The following SKAP1 variants were observed in gnomAD, a reference collection of about 807,000 sequenced individuals.
The protein encoded by SKAP1 is src kinase-associated phosphoprotein 1.
A neutral mutation model predicts 58.5 loss-of-function variants in SKAP1; 44 were observed. The observed-to-expected ratio is 0.75, with a 90% CI of 0.59 to 0.97. SKAP1 has a LOEUF of 0.97. Among genes scored for constraint, SKAP1 ranks in the 50% least tolerant of loss-of-function variants. SKAP1 has a pLI of 0.00. For synonymous variants in SKAP1, 127 were observed against 149.7 expected (o/e 0.85, Z 1.11); for missense variants, 390 against 435.2 (o/e 0.90, Z 0.92).
chr17:48,184,228 C>A (rs1309581836), intron 7 of SKAP1, among the ~76,000 whole-genome samples: 1 of 152,128 alleles, frequency 6.6e-6, no homozygotes, highest in Non-Finnish European at 1.5e-5. Flanking sequence ...TCACCAATAT[C>A]TTAGAAATCC....
chr17:48,416,454 G>A (rs2067732265), intron 1 of SKAP1, among the ~76,000 whole-genome samples: 1 of 152,190 alleles, frequency 6.6e-6, no homozygotes, highest in South Asian at 2.1e-4. Flanking sequence ...TGTACTGGTG[G>A]TGGTGGGCAG....
chr17:48,261,327 T>C (rs760587798), intron 4 of SKAP1, among the ~76,000 whole-genome samples: 3 of 152,200 alleles, frequency 2.0e-5, no homozygotes, highest in Non-Finnish European at 2.9e-5. Flanking sequence ...TCACTCTGAA[T>C]AGAGCCTTAT....
At chr17:48,430,252 G>T (rs933389558), upstream of SKAP1, 2 of 608,192 alleles carry the variant, frequency 3.3e-6, no homozygotes, top group African/African-American at 3.9e-5. Flanking sequence ...GCCCGGCCGC[G>T]GGGCGGGGCC....
chr17:48,390,545 C>T (rs954774194), intron 2 of SKAP1, among the ~76,000 whole-genome samples: 1 of 152,088 alleles, frequency 6.6e-6, no homozygotes, highest in African/African-American at 2.4e-5. Flanking sequence ...CAAGTGATAA[C>T]GATGGCTAAA....
At chr17:48,321,957 G>T (rs2066373734) in intron 4 of SKAP1, among the ~76,000 whole-genome samples, 1 of 152,142 alleles carries the variant, frequency 6.6e-6, no homozygotes. Flanking sequence ...ATCTTCTCCT[G>T]TTCCTACCTG....
intron 3 of SKAP1, among the ~76,000 whole-genome samples, chr17:48,361,803 C>A (rs1358149457): frequency 6.6e-6 from 1 of 152,126 alleles, no homozygotes; most frequent in African/African-American, 2.4e-5. Context: ...GATTCTTCTG[C>A]TAGTTGTTCT....
chr17:48,309,886 G>C (rs2066200771), intron 4 of SKAP1, among the ~76,000 whole-genome samples: 1 of 152,064 alleles, frequency 6.6e-6, no homozygotes, highest in Admixed American at 6.5e-5. Context: ...ATGTTGTCTT[G>C]GTATGTTGGC....
intron 3 of SKAP1, among the ~76,000 whole-genome samples, chr17:48,357,781 A>C (rs2066895414): frequency 6.6e-6 from 1 of 152,228 alleles, no homozygotes. Context: ...ATTATTTGAA[A>C]AGGTATCAAA....
intron 4 of SKAP1, among the ~76,000 whole-genome samples, chr17:48,273,969 G>A (rs2065665995): frequency 6.6e-6 from 1 of 152,146 alleles, no homozygotes; most frequent in South Asian, 2.1e-4. Context: ...ACCCAGGCTG[G>A]AGTGCAGTGG....
intron 4 of SKAP1, among the ~76,000 whole-genome samples, chr17:48,259,308 T>TA (rs1445856725): frequency 3.3e-5 from 5 of 152,262 alleles, no homozygotes; most frequent in Middle Eastern, 3.4e-3. Context: ...TATCTATTAT[T>TA]ATATTAGAAT....
intron 4 of SKAP1, among the ~76,000 whole-genome samples, chr17:48,290,507 C>G (rs1943145929): frequency 6.6e-6 from 1 of 152,194 alleles, no homozygotes; most frequent in Admixed American, 6.5e-5. Flanking sequence ...CTCTTTTATT[C>G]TTCCCGGATA....
At chr17:48,139,629 T>G (rs2063744638) in intron 11 of SKAP1, among the ~76,000 whole-genome samples, 1 of 152,222 alleles carries the variant, frequency 6.6e-6, no homozygotes, top group Non-Finnish European at 1.5e-5. Flanking sequence ...ATTGGTGATA[T>G]GTAAAATTCA....
At chr17:48,144,720 G>T (rs769297944) in intron 11 of SKAP1, among the ~76,000 whole-genome samples, 30 of 152,172 alleles carry the variant, frequency 2.0e-4, no homozygotes, top group Admixed American at 5.9e-4. Context: ...TTATTAAGTT[G>T]CTGATTCTTG....
chr17:48,217,657 A>G (rs979879725), intron 4 of SKAP1, among the ~76,000 whole-genome samples: 1 of 152,158 alleles, frequency 6.6e-6, no homozygotes, highest in African/African-American at 2.4e-5. Context: ...AAATAAATAA[A>G]TAAGAAAAGG....
At chr17:48,159,439 G>T (rs2064037793) in intron 11 of SKAP1, among the ~76,000 whole-genome samples, 1 of 152,176 alleles carries the variant, frequency 6.6e-6, no homozygotes, top group African/African-American at 2.4e-5. Flanking sequence ...TAAACAGCAG[G>T]CCCTTCTTGT....
At chr17:48,288,617 T>C (rs575553470) in intron 4 of SKAP1, among the ~76,000 whole-genome samples, 71 of 152,194 alleles carry the variant, frequency 4.7e-4, no homozygotes, top group African/African-American at 1.5e-3. Flanking sequence ...ACCCAGGAGA[T>C]GGAGGTTGCA....
chr17:48,219,173 G>A (rs1414117086), intron 4 of SKAP1, among the ~76,000 whole-genome samples: 1 of 152,126 alleles, frequency 6.6e-6, no homozygotes, highest in Non-Finnish European at 1.5e-5. Flanking sequence ...GGTTACTTGG[G>A]CAGAATTTTT....
At chr17:48,315,795 A>T (rs2066279268) in intron 4 of SKAP1, among the ~76,000 whole-genome samples, 1 of 152,194 alleles carries the variant, frequency 6.6e-6, no homozygotes, top group African/African-American at 2.4e-5. Flanking sequence ...TATGTACAAA[A>T]TTATTTAAAA....
At chr17:48,350,644 C>T (rs918511066) in intron 3 of SKAP1, among the ~76,000 whole-genome samples, 21 of 152,156 alleles carry the variant, frequency 1.4e-4, no homozygotes, top group African/African-American at 4.8e-4. Context: ...TGCGGTGAGC[C>T]GAGATTGTGC....
Sources: allele counts gnomAD v4.1 joint callset (sites outside exome capture counted in the v4.1 genomes callset), GRCh38; gene constraint gnomAD v4.1.1; transcripts MANE v1.5; gene names NCBI Gene and HGNC (gene_info 2026-07-23, HGNC 2026-07-21).